Variants in SLC38A2 observed in about 807,000 individuals in gnomAD.
SLC38A2 encodes sodium-coupled neutral amino acid symporter 2.
SLC38A2 carries 11 observed loss-of-function variants against 61.5 expected under a neutral mutation model. The ratio of observed to expected loss-of-function variants is 0.18; its 90% CI spans 0.11 to 0.30. SLC38A2 has a LOEUF of 0.30. Among genes scored for constraint, SLC38A2 ranks in the 10% least tolerant of loss-of-function variants. SLC38A2 has a pLI of 1.00. For missense variants in SLC38A2, 522 were observed against 600.4 expected, an observed-to-expected ratio of 0.87 and a Z score of 1.36; for synonymous variants, 217 against 212.5, an observed-to-expected ratio of 1.02 and a Z score of -0.18.
chr12:46,364,937 T>C (rs1422475999), intron 8 of SLC38A2, 170 bp downstream of exon 8: 1 of 714,650 alleles, frequency 1.4e-6, no homozygotes, highest in Admixed American at 3.0e-5. Context: ...AAGCACAACA[T>C]ATAGTGTCAA....
At position 46,364,140 on chromosome 12, in the gene SLC38A2, A is replaced by G. The variant is rs1328149551; in HGVS notation, c.874-137T>C. 4.9e-6 allele frequency: 4 copies of G among 814,474 alleles called. No individual in the cohort carries two copies. The African/African-American group carries it at 5.2e-5, about 11-fold the overall frequency. The allele number at this position is 814,474 out of a possible 1,614,324, so 50.5% of individuals were successfully genotyped here. A position where few individuals can be genotyped will look rare whatever the true frequency, so the allele number is the denominator to read the frequency against. On this transcript the variant is annotated intron_variant, in intron 10 of 15. Transcript: ENST00000256689. Reference sequence around the variant, plus strand: ...TTGTGTAATTAGCTTCCATTCTTCTAATCTGTTCATGAAGTATGATCAATA... The same window carrying G: ...TTGTGTAATTAGCTTCCATTCTTCTGATCTGTTCATGAAGTATGATCAATA...
chr12:46,366,733 C>A, intron 7 of SLC38A2, 131 bp downstream of exon 7: 2 of 837,864 alleles, frequency 2.4e-6, no homozygotes, highest in South Asian at 2.0e-5. Context: ...GATGGGGGGC[C>A]TTCTTGGTCA....
Position 46,360,281 on chromosome 12 carries a change from A to G in SLC38A2, c.*830T>C, listed in dbSNP as rs910290497. The stretch of plus-strand genomic sequence containing the variant: ...AATATCTGCATTATCTTCCATTCTA[A>G]TAAGTTGAAGACACAAACATTTCAG... On this transcript the variant is annotated 3_prime_UTR_variant, in exon 16 of 16. Coordinates refer to ENST00000256689, the MANE Select transcript of SLC38A2 (RefSeq NM_018976.5). 1.2e-4 allele frequency: 18 copies of G among 152,730 alleles called. No individual in the cohort carries two copies. The South Asian group carries it at 1.9e-3, about 16-fold the overall frequency. 9.5% of individuals were successfully genotyped at this position (152,730 alleles called of 1,614,324 possible). A position where few individuals can be genotyped will look rare whatever the true frequency, so the allele number is the denominator to read the frequency against.
rs185464158 is a variant in SLC38A2 at position 46,358,523 on chromosome 12, A to G, written c.*2588T>C. ...GTTGTTTATTGCAAATACAATTTAAACAAGTTTTTTTTAGTGTTTGTACAC... is the reference window on the plus strand; with the variant it reads ...GTTGTTTATTGCAAATACAATTTAAGCAAGTTTTTTTTAGTGTTTGTACAC... On this transcript the variant is annotated 3_prime_UTR_variant, in exon 16 of 16. Coordinates refer to ENST00000256689, the MANE Select transcript of SLC38A2 (RefSeq NM_018976.5). 55 of 152,762 alleles carry G rather than the reference A, an allele frequency of 3.6e-4. No homozygotes were observed. Among genetic ancestry groups the G allele is most frequent in the African/African-American group, 1.2e-3 (50 of 41,594 alleles). 9.5% of individuals were successfully genotyped at this position (152,762 alleles called of 1,614,324 possible).
In SLC38A2 at chr12:46,364,710, G is replaced by C. The variant is rs529099793; in HGVS notation, c.647-8C>G. On this transcript the variant is annotated splice_region_variant and splice_polypyrimidine_tract_variant and intron_variant, in intron 8 of 15. Transcript: ENST00000256689. ...TGGTATATCCCAAATATCCTATAAG[G>C]AGGGGTGGCAGGAATCAGTATTAGT... 42 of 1,602,876 alleles carry C rather than the reference G, an allele frequency of 2.6e-5. No individual in the cohort carries two copies. The highest frequency in any genetic ancestry group is 1.8e-4 in the East Asian group (8 of 44,798).
chr12:46,362,151 A>G (rs372273889), intron 15 of SLC38A2, 133 bp downstream of exon 15: 22 of 689,232 alleles, frequency 3.2e-5, no homozygotes, highest in Non-Finnish European at 4.7e-5. Flanking sequence ...TGTGAAGTAT[A>G]CCATTACAGA....
chr12:46,362,921 T>C, intron 13 of SLC38A2, 100 bp downstream of exon 13: 1 of 1,454,788 alleles, frequency 6.9e-7, no homozygotes, highest in Non-Finnish European at 9.4e-7. Flanking sequence ...CTTAGTATTG[T>C]TCTACTGGTG....
intron 7 of SLC38A2, among the ~76,000 whole-genome samples, chr12:46,366,430 A>G (rs1418558917): frequency 6.6e-6 from 1 of 152,160 alleles, no homozygotes; most frequent in Admixed American, 6.5e-5. Flanking sequence ...TTGGCACTCA[A>G]AAAGTTTTGG....
rs1187200514 is a variant in SLC38A2 at position 46,367,156 on chromosome 12, T to C, written c.401A>G (p.Tyr134Cys). The part of the protein sequence containing the change: ...KTANEGGSLL[Y>C]EQLGYKAFGL... Reference sequence around the variant, plus strand: ...AAATGCCTTATATCCCAATTGTTCATATAATAAAGACCCTACAATTTGAAG... The same window carrying C: ...AAATGCCTTATATCCCAATTGTTCACATAATAAAGACCCTACAATTTGAAG... Residue 134 changes from tyrosine (Y) to cysteine (C), a missense_variant, in exon 6 of 16, where the codon TAT becomes TGT. Physicochemically the swap from Tyr to Cys is radical, Grantham distance 194 (BLOSUM62 -2). This residue lies in a region of SLC38A2 where 111 missense variants were observed against 173.4 expected (regional missense o/e 0.64). Coordinates refer to ENST00000256689, the MANE Select transcript of SLC38A2 (RefSeq NM_018976.5). 1.9e-6 allele frequency: 3 copies of C among 1,613,598 alleles called. No individual in the cohort carries two copies. The highest frequency in any genetic ancestry group is 4.5e-5 in the East Asian group (2 of 44,876).
intron 8 of SLC38A2, 58 bp from the exon 9 acceptor site, chr12:46,364,760 T>TA: frequency 6.6e-7 from 1 of 1,517,234 alleles, no homozygotes; most frequent in Non-Finnish European, 9.0e-7. Flanking sequence ...TTAAGGCAAA[T>TA]ATCTTTTTCC....
chr12:46,364,884 TAACCC>T lies in SLC38A2; in HGVS notation c.647-187_647-183del, dbSNP rs138374421. The T allele has an allele frequency of 2.8e-4, 188 of 666,260 alleles. No individual in the cohort carries two copies. The African/African-American group carries it at 3.3e-3, about 12-fold the overall frequency. 41.3% of individuals were successfully genotyped at this position (666,260 alleles called of 1,614,324 possible). On this transcript the variant is annotated intron_variant, in intron 8 of 15. Coordinates refer to ENST00000256689, the MANE Select transcript of SLC38A2 (RefSeq NM_018976.5). The stretch of plus-strand genomic sequence containing the variant: ...TAGATTTATTTAAATATACTTGTCA[TAACCC>T]AAGCTAATAAAAACTATCATTTGCA...
intron 4 of SLC38A2, among the ~76,000 whole-genome samples, 199 bp downstream of exon 4, chr12:46,370,312 AT>A (rs1164604864): frequency 6.6e-6 from 1 of 152,032 alleles, no homozygotes; most frequent in African/African-American, 2.4e-5. Flanking sequence ...GGACTGCCCT[AT>A]TTTTTTCTAG....
chr12:46,368,772 T>C (rs964094852), intron 4 of SLC38A2, among the ~76,000 whole-genome samples: 2 of 152,168 alleles, frequency 1.3e-5, no homozygotes, highest in Non-Finnish European at 2.9e-5. Flanking sequence ...GGAGAAAATA[T>C]GTTGGTTTAA....
Position 46,361,091 on chromosome 12 carries a change from T to C in SLC38A2, c.*20A>G. ...AACACTGGCATCAGATGGACTGAGT[T>C]TGAGTTTGAGTGGTGCCAATTAATG... is the stretch of plus-strand genomic sequence containing the variant. On this transcript the variant is annotated 3_prime_UTR_variant, in exon 16 of 16. Transcript: ENST00000256689. 2 of 1,596,504 alleles carry C rather than the reference T, an allele frequency of 1.3e-6. No homozygotes were observed. Among genetic ancestry groups the C allele is most frequent in the Non-Finnish European group, 1.7e-6 (2 of 1,165,922 alleles).
At position 46,358,258 on chromosome 12, in the gene SLC38A2, C is replaced by T. The variant is rs1404974412; in HGVS notation, c.*2853G>A. ...ACATTGTTTCATTGAAACGGTGTAG[C>T]ACTCTTTGCCAACAAGCCATACTAG... On this transcript the variant is annotated 3_prime_UTR_variant, in exon 16 of 16. Coordinates refer to ENST00000256689, the MANE Select transcript of SLC38A2 (RefSeq NM_018976.5). 6.6e-6 allele frequency: 1 copy of T among 152,596 alleles called. No individual in the cohort carries two copies. Among genetic ancestry groups the T allele is most frequent in the Non-Finnish European group, 1.5e-5 (1 of 68,030 alleles). The allele number at this position is 152,596 out of a possible 1,614,324, so 9.5% of individuals were successfully genotyped here.
intron 4 of SLC38A2, among the ~76,000 whole-genome samples, chr12:46,369,691 T>A (rs1168683253): frequency 6.6e-6 from 1 of 152,152 alleles, no homozygotes; most frequent in Non-Finnish European, 1.5e-5. Context: ...TGCATGTATT[T>A]TTGTTTTGTG....
chr12:46,360,846 T>C lies in SLC38A2; in HGVS notation c.*265A>G, dbSNP rs1943073269. On this transcript the variant is annotated 3_prime_UTR_variant, in exon 16 of 16. Transcript: ENST00000256689. ...TTGATAAAAGTTAAGAGTTTGTCCA[T>C]TCTCTGGAATGGAATAAAATTGTCA... 1 of 393,884 alleles carries C rather than the reference T, an allele frequency of 2.5e-6. No individual in the cohort carries two copies. The highest frequency in any genetic ancestry group is 4.5e-6 in the Non-Finnish European group (1 of 221,094). The allele number at this position is 393,884 out of a possible 1,614,324, so 24.4% of individuals were successfully genotyped here.
chr12:46,371,139 T>C (rs767116274), intron 2 of SLC38A2, 39 bp downstream of exon 2: 18 of 1,575,306 alleles, frequency 1.1e-5, no homozygotes, highest in Middle Eastern at 1.7e-4. Context: ...ACCCAACCCA[T>C]GCAAGCCGTT....
Position 46,370,791 on chromosome 12 carries a change from C to T in SLC38A2, c.183G>A (p.Lys61=), listed in dbSNP as rs1466017236. ...TTTAACTTACAAATTCTGTTTCATA[C>T]TTCTTCTTCCCCAAATTCGATTCAA... The part of the protein sequence containing the change: ...FLLESNLGKK[K]YETEFHPGTT... Residue 61 remains lysine (K), a synonymous_variant, in exon 3 of 16, where the codon AAG becomes AAA. Coordinates refer to ENST00000256689, the MANE Select transcript of SLC38A2 (RefSeq NM_018976.5). The T allele has an allele frequency of 6.2e-7, 1 of 1,612,870 alleles. No homozygotes were observed. The highest frequency in any genetic ancestry group is 8.5e-7 in the Non-Finnish European group (1 of 1,179,334).
Sources: gnomAD v4.1 joint callset for allele counts (sites outside exome capture counted in the v4.1 genomes callset) on GRCh38, gnomAD v4.1.1 for gene constraint, gnomAD v4.1.1 regional missense constraint, MANE v1.5 for transcripts, NCBI Gene and HGNC (gene_info 2026-07-23, HGNC 2026-07-21) for gene names.